Variants in PHLDB2 observed in about 807,000 individuals in gnomAD.
PHLDB2 encodes pleckstrin homology-like domain family B member 2.
A neutral mutation model predicts 123.6 loss-of-function variants in PHLDB2; 71 were observed. The ratio of observed to expected loss-of-function variants is 0.57; its 90% confidence interval spans 0.47 to 0.70. The LOEUF is 0.70. Ranked by LOEUF, PHLDB2 falls within the 30% of genes least tolerant of loss-of-function variation. PHLDB2 has a pLI of 0.00. For missense variants in PHLDB2, 1,446 were observed against 1,519.5 expected (o/e 0.95, Z 0.80); for synonymous variants, 547 against 541.6 (o/e 1.01, Z -0.14).
At chr3:111,736,738 G>T (rs534455100) in intron 1 of PHLDB2, among the ~76,000 whole-genome samples, 1 of 152,184 alleles carries the variant, frequency 6.6e-6, no homozygotes, top group African/African-American at 2.4e-5. Flanking sequence ...TGTCAGGTCA[G>T]TGTGGTAATG....
Position 111,796,567 on chromosome 3 carries a change from T to G in PHLDB2, c.-48-49254T>G, listed in dbSNP as rs538209534. The stretch of plus-strand genomic sequence containing the variant: ...TATTGTTTTTGAGACAGACTCTCAC[T>G]CTGTTGTCCATGCTGAAGTGCAGTG... On this transcript the variant is annotated intron_variant, in intron 1 of 17. Coordinates refer to the PHLDB2 transcript ENST00000393923. Among the ~76,000 whole-genome samples the G allele has an allele frequency of 2.0e-5, 3 of 152,332 alleles. No homozygotes were observed. In the South Asian group the frequency reaches 6.2e-4, roughly 32 times the overall value.
rs183090911 is a variant in PHLDB2 at position 111,932,478 on chromosome 3, C to T, written c.2130+81C>T. ...TTAAGTGCCACTTACCTGTGACTTA[C>T]GACTTCATATAGCATAAGTTTGCAT... On this transcript the variant is annotated intron_variant, in intron 6 of 17. Coordinates refer to ENST00000431670, the MANE Select transcript of PHLDB2 (RefSeq NM_001134438.2). 3.0e-4 allele frequency: 417 copies of T among 1,406,184 alleles called. 3 individuals carry two copies. The Middle Eastern group carries it at 6.5e-3, about 22-fold the overall frequency. 87.1% of individuals were successfully genotyped at this position (1,406,184 alleles called of 1,614,324 possible). A position where few individuals can be genotyped will look rare whatever the true frequency, so the allele number is the denominator to read the frequency against.
intron 12 of PHLDB2, among the ~76,000 whole-genome samples, chr3:111,956,716 A>G (rs766017224): frequency 6.6e-6 from 1 of 152,214 alleles, no homozygotes; most frequent in African/African-American, 2.4e-5. Flanking sequence ...AGGAGAAGTC[A>G]GGGTCTATAG....
intron 1 of PHLDB2, among the ~76,000 whole-genome samples, chr3:111,868,343 G>A (rs574445166): frequency 1.3e-4 from 20 of 152,212 alleles, no homozygotes; most frequent in African/African-American, 4.8e-4. Flanking sequence ...AAAATAGATG[G>A]ATTGTTCAAA....
intron 1 of PHLDB2, among the ~76,000 whole-genome samples, chr3:111,742,324 A>T (rs1017713561): frequency 5.9e-5 from 9 of 152,128 alleles, no homozygotes; most frequent in Non-Finnish European, 1.2e-4. Flanking sequence ...TATATTTTTT[A>T]TTATACTTTA....
intron 2 of PHLDB2, among the ~76,000 whole-genome samples, chr3:111,899,802 T>C (rs1009191937): frequency 3.9e-5 from 6 of 152,178 alleles, no homozygotes; most frequent in Admixed American, 1.3e-4. Flanking sequence ...TGTTGATTGA[T>C]TAATTGTGGC....
chr3:111,863,903 C>T (rs1241419673), intron 1 of PHLDB2, among the ~76,000 whole-genome samples: 2 of 152,190 alleles, frequency 1.3e-5, no homozygotes, highest in Non-Finnish European at 2.9e-5. Context: ...GTTTACATTG[C>T]TATGGTTAGC....
At chr3:111,827,685 C>CAAAA (rs565813163) in intron 1 of PHLDB2, among the ~76,000 whole-genome samples, 9 of 73,196 alleles carry the variant, frequency 1.2e-4, no homozygotes, top group East Asian at 3.7e-4. Context: ...GAATCCGTCT[C>CAAAA]AAAAAAAAAA....
At chr3:111,856,492 T>C (rs2064514576), upstream of PHLDB2, among the ~76,000 whole-genome samples, 2 of 152,260 alleles carry the variant, frequency 1.3e-5, no homozygotes, top group Admixed American at 6.5e-5. Flanking sequence ...TTTGGAAGAA[T>C]ACCGGATACG....
At chr3:111,740,881 A>G (rs1398114681) in intron 1 of PHLDB2, among the ~76,000 whole-genome samples, 2 of 150,054 alleles carry the variant, frequency 1.3e-5, no homozygotes, top group Non-Finnish European at 3.0e-5. Flanking sequence ...TCAATGCCTC[A>G]TTTCATGCCC....
At chr3:111,941,498 C>A (rs78868616) in intron 8 of PHLDB2, among the ~76,000 whole-genome samples, 9,015 of 152,190 alleles carry the variant, frequency 0.059, 879 homozygotes, top group African/African-American at 0.2. Context: ...CCCTTCTTAG[C>A]TATTTTAGGT....
At chr3:111,908,343 AGT>A (rs1231633083) in intron 2 of PHLDB2, among the ~76,000 whole-genome samples, 1 of 152,172 alleles carries the variant, frequency 6.6e-6, no homozygotes, top group South Asian at 2.1e-4. Flanking sequence ...GTTTTGGAAA[AGT>A]GTTCTGCCTG....
chr3:111,768,577 C>A (rs139377752), intron 1 of PHLDB2, among the ~76,000 whole-genome samples: 1 of 152,234 alleles, frequency 6.6e-6, no homozygotes, highest in Non-Finnish European at 1.5e-5. Context: ...TTTAGGGGAG[C>A]TCCGGAGAGC....
At chr3:111,860,739 C>G (rs567697577) in intron 1 of PHLDB2, among the ~76,000 whole-genome samples, 2 of 152,298 alleles carry the variant, frequency 1.3e-5, no homozygotes, top group Admixed American at 6.5e-5. Context: ...CCTCCGGGCG[C>G]CTGGCCCTGC....
At chr3:111,898,570 G>GCAA (rs1164130603) in intron 2 of PHLDB2, among the ~76,000 whole-genome samples, 2 of 152,244 alleles carry the variant, frequency 1.3e-5, no homozygotes, top group Non-Finnish European at 2.9e-5. Flanking sequence ...AGCATGCAAC[G>GCAA]CTGTTTGGTT....
At chr3:111,913,726 CTAGGATT>C (rs1168887109) in intron 3 of PHLDB2, 24 bp downstream of exon 3, 1 of 1,586,478 alleles carries the variant, frequency 6.3e-7, no homozygotes, top group Non-Finnish European at 8.6e-7. Flanking sequence ...AGCAAAGATA[CTAGGATT>C]TAAGGTCTAG....
intron 6 of PHLDB2, among the ~76,000 whole-genome samples, chr3:111,938,995 A>G (rs568653196): frequency 3.5e-3 from 528 of 152,054 alleles, no homozygotes; most frequent in Non-Finnish European, 6.3e-3. Flanking sequence ...TTTAGTAGAG[A>G]CGGGGTTTCA....
chr3:111,746,132 C>T (rs2059677951), intron 1 of PHLDB2, among the ~76,000 whole-genome samples: 1 of 152,244 alleles, frequency 6.6e-6, no homozygotes, highest in Admixed American at 6.5e-5. Context: ...AGCAGCTTAA[C>T]ATTTGAGCAT....
chr3:111,822,812 C>T (rs1451241338), intron 1 of PHLDB2, among the ~76,000 whole-genome samples: 4 of 152,066 alleles, frequency 2.6e-5, no homozygotes, highest in Non-Finnish European at 5.9e-5. Context: ...ATTTACTGAT[C>T]ACATACTATA....
Sources: gnomAD v4.1 joint callset for allele counts (sites outside exome capture counted in the v4.1 genomes callset) on GRCh38, gnomAD v4.1.1 for gene constraint, MANE v1.5 for transcripts, NCBI Gene and HGNC (gene_info 2026-07-23, HGNC 2026-07-21) for gene names.